The following SAA2 variants were observed in gnomAD, a reference collection of about 807,000 sequenced individuals.
SAA2 encodes serum amyloid A2, also known as serum amyloid A-2 protein.
A neutral mutation model predicts 9.1 loss-of-function variants in SAA2; 5 were observed. The observed-to-expected ratio is 0.55, with a 90% CI of 0.29 to 1.16. SAA2 has a LOEUF of 1.16. SAA2 is among the 50% of genes most tolerant of loss of function. The pLI is 0.09. For synonymous variants in SAA2, 49 were observed against 59.8 expected (o/e 0.82, Z 0.83); for missense variants, 94 against 153.8 (o/e 0.61, Z 2.06).
In SAA2 at chr11:18,248,619, C is replaced by G. The variant is rs1264197981; in HGVS notation, c.-21G>C. 6.5e-6 allele frequency: 1 copy of G among 153,604 alleles called. No individual in the cohort carries two copies. The highest frequency in any genetic ancestry group is 1.4e-5 in the Non-Finnish European group (1 of 69,130). The allele number at this position is 153,604 out of a possible 1,614,324, so 9.5% of individuals were successfully genotyped here. A position where few individuals can be genotyped will look rare whatever the true frequency, so the allele number is the denominator to read the frequency against. ...GCTCCTCACCTGATCTGTGCTGTAG[C>G]TGAGCTGCGGGTCCCTGTCTGCCAG... On this transcript the variant is annotated 5_prime_UTR_variant, in exon 1 of 4. Transcript: ENST00000256733.
downstream of SAA2, among the ~76,000 whole-genome samples, chr11:18,244,539 C>T (rs149926600): frequency 2.0e-5 from 3 of 152,324 alleles, no homozygotes; most frequent in African/African-American, 7.2e-5. Context: ...GAAGTTAATG[C>T]TGCTCTCAGT....
chr11:18,239,819 C>T (rs1408012566), exon 4 of SAA2: 1 of 1,200,562 alleles, frequency 8.3e-7, no homozygotes, highest in Admixed American at 3.2e-5. Context: ...GGAGCTCATC[C>T]ATGCCTCTTA....
chr11:18,246,472 A>T (rs1857542751), intron 2 of SAA2, among the ~76,000 whole-genome samples: 1 of 152,162 alleles, frequency 6.6e-6, no homozygotes, highest in South Asian at 2.1e-4. Flanking sequence ...GGCTGTACTG[A>T]TACTGTGGGT....
At chr11:18,240,094 C>A in intron 3 of SAA2, 1 of 1,331,040 alleles carries the variant, frequency 7.5e-7, no homozygotes, top group Non-Finnish European at 1.0e-6. Context: ...TACTATTCTT[C>A]ATAGGGGAGG....
In SAA2 at chr11:18,245,272, T is replaced by A; in HGVS notation, c.*105A>T. ...TCTTAAGCATTTATTAGATGCCTAT[T>A]ATATGCCATATCTCAGCTTCTCTGG... On this transcript the variant is annotated 3_prime_UTR_variant, in exon 4 of 4. Transcript: ENST00000256733. 6.5e-7 allele frequency: 1 copy of A among 1,545,004 alleles called. No individual in the cohort carries two copies. The highest frequency in any genetic ancestry group is 1.3e-5 in the South Asian group (1 of 79,900).
In SAA2 at chr11:18,240,061, C is replaced by G. The variant is rs181935066; in HGVS notation, c.231-92G>C. 30 of 1,482,448 alleles carry G rather than the reference C, an allele frequency of 2.0e-5. 1 individual carries two copies. In the Admixed American group the frequency reaches 2.6e-4, roughly 13 times the overall value. The allele number at this position is 1,482,448 out of a possible 1,614,324, so 91.8% of individuals were successfully genotyped here. A position where few individuals can be genotyped will look rare whatever the true frequency, so the allele number is the denominator to read the frequency against. On this transcript the variant is annotated intron_variant, in intron 3 of 3. Coordinates refer to the SAA2 transcript ENST00000414546. ...CACAGGAGGGTGATTTCCCAATAAC[C>G]CAATGGGGTACCGGTGATTATATAC...
chr11:18,243,956 G>A (rs796835932), downstream of SAA2, among the ~76,000 whole-genome samples: 7 of 152,304 alleles, frequency 4.6e-5, no homozygotes, highest in African/African-American at 1.7e-4. Context: ...GGGCGCTAGA[G>A]GGCCAAGCAG....
At position 18,240,228 on chromosome 11, in the gene SAA2, G is replaced by A. The variant is rs779735778; in HGVS notation, c.231-259C>T. On this transcript the variant is annotated intron_variant, in intron 3 of 3. Transcript: ENST00000414546. ...CTTGAAATTTGAATGAGGCAAATAA[G>A]CAGGTGTCATCTTTTGAAAAAGTCC... 7.6e-4 allele frequency: 536 copies of A among 705,118 alleles called. 2 individuals carry two copies. The highest frequency in any genetic ancestry group is 1.1e-3 in the Non-Finnish European group (414 of 387,784). The allele number at this position is 705,118 out of a possible 1,614,324, so 43.7% of individuals were successfully genotyped here.
At chr11:18,239,804 CT>C in exon 4 of SAA2, 1 of 996,320 alleles carries the variant, frequency 1.0e-6, no homozygotes, top group South Asian at 2.0e-5. Flanking sequence ...CATCCACATG[CT>C]GAGGGAGCTC....
downstream of SAA2, among the ~76,000 whole-genome samples, chr11:18,241,055 C>T (rs377692432): frequency 5.9e-5 from 9 of 152,188 alleles, no homozygotes; most frequent in African/African-American, 1.4e-4. Context: ...GGGCAAAGGA[C>T]ATGAACAGGT....
chr11:18,246,502 G>T (rs1857545684), intron 2 of SAA2, among the ~76,000 whole-genome samples: 1 of 152,212 alleles, frequency 6.6e-6, no homozygotes, highest in Non-Finnish European at 1.5e-5. Flanking sequence ...AAGCAATAGA[G>T]CAGCGGTTCT....
chr11:18,241,947 A>G (rs1225529316), downstream of SAA2, among the ~76,000 whole-genome samples: 1 of 152,212 alleles, frequency 6.6e-6, no homozygotes, highest in Non-Finnish European at 1.5e-5. Flanking sequence ...TAAATGCTGA[A>G]TGAACACATG....
intron 2 of SAA2, among the ~76,000 whole-genome samples, chr11:18,246,552 A>G (rs1857551136): frequency 6.6e-6 from 1 of 152,126 alleles, no homozygotes; most frequent in Non-Finnish European, 1.5e-5. Context: ...TTATTTTTTT[A>G]GACGGAGTCT....
At chr11:18,241,974 C>T (rs1486458192), downstream of SAA2, among the ~76,000 whole-genome samples, 2 of 151,960 alleles carry the variant, frequency 1.3e-5, no homozygotes, top group Non-Finnish European at 2.9e-5. Context: ...CATTTCTGAA[C>T]GTTTGAAATA....
At position 18,245,338 on chromosome 11, in the gene SAA2, T is replaced by A. The variant is rs1315051965; in HGVS notation, c.*39A>T. 1 of 1,612,686 alleles carries A rather than the reference T, an allele frequency of 6.2e-7. No homozygotes were observed. Among genetic ancestry groups the A allele is most frequent in the African/African-American group, 1.3e-5 (1 of 75,032 alleles). Reference sequence around the variant, plus strand: ...ACTTTGTATCCCTGCCCCGAGGGCCTCATAGCCAGGTCTCCTGAGAGCAGA... The same window carrying A: ...ACTTTGTATCCCTGCCCCGAGGGCCACATAGCCAGGTCTCCTGAGAGCAGA... On this transcript the variant is annotated 3_prime_UTR_variant, in exon 4 of 4. Transcript: ENST00000256733.
chr11:18,244,650 C>G (rs1520888), downstream of SAA2, among the ~76,000 whole-genome samples: 1,056 of 152,350 alleles, frequency 6.9e-3, 6 homozygotes, highest in African/African-American at 0.024. Context: ...CTATCTGGCT[C>G]TCTCTCCACT....
At position 18,245,727 on chromosome 11, in the gene SAA2, G is replaced by T. The variant is rs2956638; in HGVS notation, c.230+183C>A. ...ATGAACAGCACCCAGAGGGGGAGGGGGAGGAATCACTCACTCCTACCATCC... is the reference window on the plus strand; with the variant it reads ...ATGAACAGCACCCAGAGGGGGAGGGTGAGGAATCACTCACTCCTACCATCC... On this transcript the variant is annotated intron_variant, in intron 3 of 3. Transcript: ENST00000256733. Among the ~76,000 whole-genome samples the T allele has an allele frequency of 1.2e-3, 185 of 152,232 alleles. 1 individual carries two copies. Among genetic ancestry groups the T allele is most frequent in the Admixed American group, 7.5e-3 (114 of 15,296 alleles).
downstream of SAA2, among the ~76,000 whole-genome samples, chr11:18,243,536 CG>C (rs1303389314): frequency 3.3e-5 from 5 of 152,168 alleles, no homozygotes; most frequent in Non-Finnish European, 7.3e-5. Flanking sequence ...CAATCTTCCA[CG>C]CCTCTCTCCA....
At chr11:18,245,712 C>G (rs1433718455) in intron 3 of SAA2, among the ~76,000 whole-genome samples, 197 bp from the exon 4 acceptor site, 1 of 152,194 alleles carries the variant, frequency 6.6e-6, no homozygotes, top group East Asian at 1.9e-4. Flanking sequence ...ATGAACAGCA[C>G]CCAGAGGGGG....
Sources: gnomAD v4.1 joint callset for allele counts (sites outside exome capture counted in the v4.1 genomes callset) on GRCh38, gnomAD v4.1.1 for gene constraint, MANE v1.5 for transcripts, NCBI Gene and HGNC (gene_info 2026-07-23, HGNC 2026-07-21) for gene names.